The following PCDHGB2 variants were observed in gnomAD, a reference collection of about 807,000 sequenced individuals.
PCDHGB2 encodes the protein protocadherin gamma subfamily B, 2.
A neutral mutation model predicts 59.3 loss-of-function variants in PCDHGB2; 55 were observed. The ratio of observed to expected loss-of-function variants is 0.93; its 90% CI spans 0.75 to 1.16. The LOEUF is 1.16. Ranked by LOEUF, PCDHGB2 falls within the 50% of genes most tolerant of loss-of-function variation. The pLI, the probability that PCDHGB2 is intolerant of heterozygous loss-of-function variation, is 0.00. For synonymous variants in PCDHGB2, 516 were observed against 512.0 expected (o/e 1.01, Z -0.11); for missense variants, 1,228 against 1,198.5 (o/e 1.02, Z -0.36).
chr5:141,412,918 G>A (rs893690519), intron 1 of PCDHGB2: 17 of 414,102 alleles, frequency 4.1e-5, no homozygotes, highest in Non-Finnish European at 5.5e-5. Context: ...TATCACTTGG[G>A]TGCAGTAACT....
chr5:141,380,974 A>G (rs1008958709), intron 1 of PCDHGB2, among the ~76,000 whole-genome samples: 1 of 152,262 alleles, frequency 6.6e-6, no homozygotes, highest in Non-Finnish European at 1.5e-5. Flanking sequence ...TATTAAACAA[A>G]TAGAATTTAA....
chr5:141,423,647 C>T (rs775169904), intron 1 of PCDHGB2: 3 of 1,589,144 alleles, frequency 1.9e-6, no homozygotes, highest in Non-Finnish European at 2.6e-6. Flanking sequence ...AAATGTGACC[C>T]GACAAGTAAT....
intron 1 of PCDHGB2, chr5:141,385,263 T>G: frequency 6.2e-7 from 1 of 1,613,672 alleles, no homozygotes; most frequent in Non-Finnish European, 8.5e-7. Context: ...GTGAGAAAAA[T>G]GATTCTTTGC....
At chr5:141,404,382 A>T in intron 1 of PCDHGB2, 2 of 1,613,978 alleles carry the variant, frequency 1.2e-6, no homozygotes, top group Non-Finnish European at 1.7e-6. Context: ...GTGATTGCCT[A>T]TGACCCTGAT....
At chr5:141,418,295 G>A (rs751665486) in intron 1 of PCDHGB2, 1 of 1,613,996 alleles carries the variant, frequency 6.2e-7, no homozygotes, top group Admixed American at 1.7e-5. Context: ...CAGTGAATCC[G>A]TCAGCCTGGG....
At chr5:141,464,746 T>G (rs1317670068) in intron 1 of PCDHGB2, among the ~76,000 whole-genome samples, 1 of 152,220 alleles carries the variant, frequency 6.6e-6, no homozygotes, top group Non-Finnish European at 1.5e-5. Context: ...TATATCTTTT[T>G]GTTTTTTTAG....
intron 1 of PCDHGB2, chr5:141,423,007 G>A: frequency 6.2e-7 from 1 of 1,614,242 alleles, no homozygotes; most frequent in Non-Finnish European, 8.5e-7. Flanking sequence ...CAAGGTGGTT[G>A]CGGTGGACAA....
At chr5:141,391,759 T>C (rs901291558) in intron 1 of PCDHGB2, 1 of 152,196 alleles carries the variant, frequency 6.6e-6, no homozygotes, top group Non-Finnish European at 1.5e-5. Context: ...GGCTTCTTAG[T>C]AAGTATTATA....
At chr5:141,410,722 ATCC>A (rs2154543211) in intron 1 of PCDHGB2, 21 of 1,396,054 alleles carry the variant, frequency 1.5e-5, no homozygotes, top group Non-Finnish European at 2.0e-5. Context: ...TATGTTTAAA[ATCC>A]ATAGCTTTTT....
chr5:141,438,635 TACACAC>T (rs56854727), intron 1 of PCDHGB2, among the ~76,000 whole-genome samples: 557 of 33,182 alleles, frequency 0.017, 8 homozygotes, highest in South Asian at 0.028. Flanking sequence ...TATATATATA[TACACAC>T]ACACACACAC....
At chr5:141,473,548 C>A (rs1158305951) in intron 1 of PCDHGB2, among the ~76,000 whole-genome samples, 3 of 152,118 alleles carry the variant, frequency 2.0e-5, no homozygotes, top group South Asian at 2.1e-4. Context: ...TAATGGAAGA[C>A]CTCTATTAGG....
intron 1 of PCDHGB2, among the ~76,000 whole-genome samples, chr5:141,484,306 C>T (rs1009067603): frequency 6.6e-6 from 1 of 152,184 alleles, no homozygotes; most frequent in African/African-American, 2.4e-5. Context: ...GCTTCCTCCA[C>T]CCCGCTTCCA....
Position 141,409,934 on chromosome 5 carries a change from G to A in PCDHGB2, c.2421+47378G>A. The A allele has an allele frequency of 1.9e-6, 3 of 1,613,362 alleles. No individual in the cohort carries two copies. Among genetic ancestry groups the A allele is most frequent in the South Asian group, 2.2e-5 (2 of 91,074 alleles). On this transcript the variant is annotated intron_variant, in intron 1 of 3. Transcript: ENST00000522605. ...TGACGGCTCCGCGTTCTTCGATATG[G>A]TACCTCGCTCTGCAGAGCCCGGCTA...
chr5:141,399,260 T>A (rs2093776436), intron 1 of PCDHGB2: 1 of 1,613,614 alleles, frequency 6.2e-7, no homozygotes, highest in South Asian at 1.1e-5. Context: ...AATGGGGAGG[T>A]TAATTGTCAA....
Position 141,431,612 on chromosome 5 carries a change from G to T in PCDHGB2, c.2422-63195G>T, listed in dbSNP as rs79883194. 6.2e-7 allele frequency: 1 copy of T among 1,614,244 alleles called. No homozygotes were observed. The highest frequency in any genetic ancestry group is 2.2e-5 in the East Asian group (1 of 44,880). Reference sequence around the variant, plus strand: ...AGTGAGGTATTCCTTCCGGTATGTGGACGACAAGGCGGCCCAAGTTTTCAA... The same window carrying T: ...AGTGAGGTATTCCTTCCGGTATGTGTACGACAAGGCGGCCCAAGTTTTCAA... On this transcript the variant is annotated intron_variant, in intron 1 of 3. Transcript: ENST00000522605. The surrounding 1 kb of genome is among the most constrained non-coding windows in gnomAD (Gnocchi z 4.8).
At chr5:141,366,229 G>A in intron 1 of PCDHGB2, 2 of 1,613,808 alleles carry the variant, frequency 1.2e-6, no homozygotes, top group Non-Finnish European at 1.7e-6. Context: ...GAGCCCTGCT[G>A]GACAGAGACG....
In PCDHGB2 at chr5:141,485,313, A is replaced by G. The variant is rs758628263; in HGVS notation, c.2422-9494A>G. On this transcript the variant is annotated intron_variant, in intron 1 of 3. Transcript: ENST00000522605. The surrounding 1 kb of genome is among the most constrained non-coding windows in gnomAD (Gnocchi z 5.7). Reference sequence around the variant, plus strand: ...TCACAGGAAGGGACTTTTGTAGGGAATGTCGCTCAAGATTTCCTGCTGGAT... The same window carrying G: ...TCACAGGAAGGGACTTTTGTAGGGAGTGTCGCTCAAGATTTCCTGCTGGAT... 1.2e-6 allele frequency: 2 copies of G among 1,614,186 alleles called. No individual in the cohort carries two copies. Among genetic ancestry groups the G allele is most frequent in the African/African-American group, 1.3e-5 (1 of 75,054 alleles).
intron 1 of PCDHGB2, chr5:141,376,220 G>A: frequency 6.2e-7 from 1 of 1,614,202 alleles, no homozygotes; most frequent in Non-Finnish European, 8.5e-7. Context: ...CGTGCTGCTG[G>A]CGCTCAGACT....
At chr5:141,451,624 G>A (rs1016417101) in intron 1 of PCDHGB2, among the ~76,000 whole-genome samples, 3 of 152,150 alleles carry the variant, frequency 2.0e-5, no homozygotes, top group African/African-American at 7.2e-5. Context: ...GCTCAAACCT[G>A]TAATTCCAGC....
Sources: gnomAD v4.1 joint callset for allele counts (sites outside exome capture counted in the v4.1 genomes callset) on GRCh38, gnomAD v4.1.1 for gene constraint, Gnocchi (gnomAD v3.1) non-coding constraint, MANE v1.5 for transcripts, NCBI Gene and HGNC (gene_info 2026-07-23, HGNC 2026-07-21) for gene names.